Variants in FNIP1 observed in about 807,000 individuals in gnomAD.
The protein encoded by FNIP1 is folliculin-interacting protein 1.
In FNIP1, 40 loss-of-function variants were observed where a neutral mutation model predicts 124.5. The ratio of observed to expected loss-of-function variants is 0.32; its 90% CI spans 0.25 to 0.42. The LOEUF is 0.42. Among genes scored for constraint, FNIP1 ranks in the 10% least tolerant of loss-of-function variants. The probability of loss-of-function intolerance (pLI) is 1.00; values close to 1 mark genes in which losing one functional copy is unlikely to be tolerated. For synonymous variants in FNIP1, 472 were observed against 470.6 expected, an observed-to-expected ratio of 1.00 and a Z score of -0.04; for missense variants, 1,176 against 1,403.7, an observed-to-expected ratio of 0.84 and a Z score of 2.59.
At chr5:131,731,520 G>A (rs972794673) in intron 2 of FNIP1, among the ~76,000 whole-genome samples, 1 of 151,996 alleles carries the variant, frequency 6.6e-6, no homozygotes, top group African/African-American at 2.4e-5. Context: ...TGGGCATGGT[G>A]GCACATGCCT....
intron 2 of FNIP1, among the ~76,000 whole-genome samples, chr5:131,743,776 G>C (rs1195941905): frequency 6.6e-6 from 1 of 152,104 alleles, no homozygotes; most frequent in East Asian, 1.9e-4. Context: ...CTGCAACCCA[G>C]AAGACAGCCC....
chr5:131,754,005 G>C (rs1486857642), intron 1 of FNIP1, among the ~76,000 whole-genome samples: 1 of 152,086 alleles, frequency 6.6e-6, no homozygotes, highest in Non-Finnish European at 1.5e-5. Context: ...GTAGACACAG[G>C]GTTTCACCAT....
intron 15 of FNIP1, among the ~76,000 whole-genome samples, chr5:131,659,213 C>T (rs1447142068): frequency 6.6e-6 from 1 of 152,162 alleles, no homozygotes; most frequent in Non-Finnish European, 1.5e-5. Flanking sequence ...CATGTTGTTG[C>T]CGCCAAACAA....
At chr5:131,673,164 C>T (rs1445157243) in intron 13 of FNIP1, among the ~76,000 whole-genome samples, 1 of 151,786 alleles carries the variant, frequency 6.6e-6, no homozygotes, top group African/African-American at 2.4e-5. Flanking sequence ...CCTGCTACCT[C>T]AGCCTCCTGA....
intron 1 of FNIP1, among the ~76,000 whole-genome samples, chr5:131,755,088 C>CG (rs535207757): frequency 2.0e-5 from 3 of 151,988 alleles, no homozygotes; most frequent in Non-Finnish European, 2.9e-5. Flanking sequence ...AAGGGGGCTG[C>CG]GAGACAGCTG....
At chr5:131,697,968 C>CAAAAA (rs753487190) in intron 11 of FNIP1, among the ~76,000 whole-genome samples, 35 of 58,510 alleles carry the variant, frequency 6.0e-4, no homozygotes, top group African/African-American at 9.2e-4. Context: ...GACTCCACCT[C>CAAAAA]AAAAAAAAAA....
chr5:131,773,159 C>T (rs775809105), intron 1 of FNIP1, among the ~76,000 whole-genome samples: 14 of 152,178 alleles, frequency 9.2e-5, no homozygotes, highest in Non-Finnish European at 1.6e-4. Flanking sequence ...GAATACAGCT[C>T]AATGCTACCT....
At chr5:131,786,317 G>C (rs1176494814) in intron 1 of FNIP1, among the ~76,000 whole-genome samples, 1 of 152,128 alleles carries the variant, frequency 6.6e-6, no homozygotes, top group Non-Finnish European at 1.5e-5. Context: ...TTACAATCTA[G>C]TGAAGTATTA....
At chr5:131,790,967 C>T (rs558504607) in intron 1 of FNIP1, among the ~76,000 whole-genome samples, 2 of 152,210 alleles carry the variant, frequency 1.3e-5, no homozygotes, top group East Asian at 3.9e-4. Context: ...TTAATGAGGT[C>T]ATGTCAAAAA....
intron 5 of FNIP1, among the ~76,000 whole-genome samples, chr5:131,717,483 A>C (rs1769509456): frequency 6.6e-6 from 1 of 152,196 alleles, no homozygotes; most frequent in Non-Finnish European, 1.5e-5. Flanking sequence ...TTTAGATTAC[A>C]AACAAGGTTT....
At chr5:131,756,491 T>A (rs984894840) in intron 1 of FNIP1, among the ~76,000 whole-genome samples, 11 of 152,182 alleles carry the variant, frequency 7.2e-5, no homozygotes, top group Admixed American at 5.2e-4. Context: ...CTTTCTAATA[T>A]TTCCAAGTTG....
At chr5:131,759,301 A>G (rs1580815819) in intron 1 of FNIP1, among the ~76,000 whole-genome samples, 1 of 152,276 alleles carries the variant, frequency 6.6e-6, no homozygotes, top group Middle Eastern at 3.4e-3. Context: ...AATTATAAAC[A>G]GAGAAAACAG....
In FNIP1 at chr5:131,647,210, A is replaced by G; in HGVS notation, c.3307-5T>C. 1 of 1,609,468 alleles carries G rather than the reference A, an allele frequency of 6.2e-7. No individual in the cohort carries two copies. Among genetic ancestry groups the G allele is most frequent in the South Asian group, 1.1e-5 (1 of 90,968 alleles). ...GTCTTCAAGATGCATTACACACTGC[A>G]GTTAGGGAGGAACCAAGAACCAGGT... On this transcript the variant is annotated splice_polypyrimidine_tract_variant and splice_region_variant and intron_variant, in intron 16 of 17. Coordinates refer to ENST00000510461, the MANE Select transcript of FNIP1 (RefSeq NM_133372.3).
At chr5:131,762,985 G>C (rs1205752481) in intron 1 of FNIP1, among the ~76,000 whole-genome samples, 1 of 152,136 alleles carries the variant, frequency 6.6e-6, no homozygotes, top group Non-Finnish European at 1.5e-5. Context: ...TGAACTAGTG[G>C]AGATAGAGTA....
At chr5:131,782,650 T>C (rs7708521) in intron 1 of FNIP1, among the ~76,000 whole-genome samples, 4,042 of 152,114 alleles carry the variant, frequency 0.027, 187 homozygotes, top group African/African-American at 0.092. Flanking sequence ...GAAAGCCTTA[T>C]GGAAAGGATT....
chr5:131,693,350 A>ATATG (rs1175323699), intron 11 of FNIP1, among the ~76,000 whole-genome samples: 8 of 136,488 alleles, frequency 5.9e-5, no homozygotes, highest in African/African-American at 1.6e-4. Flanking sequence ...ATATATATAT[A>ATATG]TATATATATA....
At chr5:131,777,714 G>A (rs1156664084) in intron 1 of FNIP1, among the ~76,000 whole-genome samples, 1 of 152,104 alleles carries the variant, frequency 6.6e-6, no homozygotes, top group Non-Finnish European at 1.5e-5. Context: ...CAGAAGAAAT[G>A]CAAACTATCA....
At chr5:131,747,967 T>C (rs1770738243) in intron 1 of FNIP1, among the ~76,000 whole-genome samples, 1 of 151,846 alleles carries the variant, frequency 6.6e-6, no homozygotes, top group South Asian at 2.1e-4. Context: ...CACACTAGGA[T>C]GGAAAGAAAG....
chr5:131,696,430 G>T (rs1768692323), intron 11 of FNIP1, among the ~76,000 whole-genome samples: 2 of 152,018 alleles, frequency 1.3e-5, no homozygotes, highest in Admixed American at 1.3e-4. Flanking sequence ...AAAGAGTGAA[G>T]ATGCCAGTAA....
Sources: allele counts gnomAD v4.1 joint callset (sites outside exome capture counted in the v4.1 genomes callset), GRCh38; gene constraint gnomAD v4.1.1; transcripts MANE v1.5; gene names NCBI Gene and HGNC (gene_info 2026-07-23, HGNC 2026-07-21).